DCC: variants seen among roughly 807,000 people sequenced by gnomAD.
The protein encoded by DCC is DCC netrin 1 receptor, also known as netrin receptor DCC.
A neutral mutation model predicts 172.5 loss-of-function variants in DCC; 58 were observed. The ratio of observed to expected loss-of-function variants is 0.34; its 90% confidence interval spans 0.27 to 0.42. The LOEUF is 0.42. Ranked by LOEUF, DCC falls within the 10% of genes least tolerant of loss-of-function variation. The pLI is 1.00. For synonymous variants in DCC, 709 were observed against 644.5 expected (o/e 1.10, Z -1.52); for missense variants, 1,740 against 1,791.0 (o/e 0.97, Z 0.51).
intron 25 of DCC, among the ~76,000 whole-genome samples, chr18:53,482,351 G>T (rs961051433): frequency 6.6e-6 from 1 of 152,040 alleles, no homozygotes; most frequent in Non-Finnish European, 1.5e-5. Context: ...TTGAAAGAAG[G>T]TTTATTATTT....
intron 1 of DCC, among the ~76,000 whole-genome samples, chr18:52,537,829 G>A (rs2032331510): frequency 6.6e-6 from 1 of 152,054 alleles, no homozygotes; most frequent in Admixed American, 6.6e-5. Flanking sequence ...ATGTCCCCAT[G>A]TTTTATATCT....
At chr18:52,475,243 A>ATAGAATGTTTTTTTTTTTTTTTTTTTTTT (rs1989060112) in intron 1 of DCC, among the ~76,000 whole-genome samples, 5 of 152,204 alleles carry the variant, frequency 3.3e-5, no homozygotes, top group Non-Finnish European at 5.9e-5. Flanking sequence ...CAGATGGGAA[A>ATAGAATGTTTTTTTTTTTTTTTTTTTTTT]TAGAATGTTT....
intron 7 of DCC, among the ~76,000 whole-genome samples, chr18:53,066,387 ATATATATATATG>A (rs1228067003): frequency 4.6e-4 from 38 of 81,824 alleles, no homozygotes; most frequent in Non-Finnish European, 5.4e-4. Flanking sequence ...ATATATATAT[ATATATATATATG>A]TGCATGTGTG....
intron 7 of DCC, among the ~76,000 whole-genome samples, chr18:53,095,212 C>T (rs997352103): frequency 6.6e-6 from 1 of 152,090 alleles, no homozygotes; most frequent in Non-Finnish European, 1.5e-5. Flanking sequence ...ATTGCCAGTG[C>T]TCATTTCAGG....
intron 5 of DCC, chr18:52,940,879 T>C (rs916877291): frequency 1.3e-5 from 2 of 152,192 alleles, no homozygotes; most frequent in African/African-American, 4.8e-5. Context: ...AGATGTTGTT[T>C]ATGTTTGAAC....
At chr18:52,982,874 G>A (rs2041233434) in intron 5 of DCC, among the ~76,000 whole-genome samples, 1 of 152,162 alleles carries the variant, frequency 6.6e-6, no homozygotes, top group Admixed American at 6.6e-5. Context: ...AGTTTCAGAT[G>A]CTTTCTCCAA....
intron 27 of DCC, among the ~76,000 whole-genome samples, chr18:53,503,393 A>ATAATAGAGTGCTTCCATTTT (rs1458514290): frequency 6.6e-6 from 1 of 152,132 alleles, no homozygotes; most frequent in Non-Finnish European, 1.5e-5. Flanking sequence ...TCATCACCTT[A>ATAATAGAGTGCTTCCATTTT]TAATAGAGTG....
intron 1 of DCC, among the ~76,000 whole-genome samples, chr18:52,735,902 G>T (rs538448207): frequency 6.6e-5 from 10 of 152,166 alleles, no homozygotes; most frequent in Admixed American, 6.6e-5. Context: ...TGACAAAGAG[G>T]TTTCAATACC....
intron 22 of DCC, among the ~76,000 whole-genome samples, chr18:53,445,014 G>A (rs556308594): frequency 6.7e-4 from 102 of 152,040 alleles, no homozygotes; most frequent in African/African-American, 2.2e-3. Context: ...ACTCCTCCTG[G>A]CAATTAACAA....
chr18:53,065,689 A>G (rs911570969), intron 6 of DCC, among the ~76,000 whole-genome samples: 1 of 152,188 alleles, frequency 6.6e-6, no homozygotes, highest in African/African-American at 2.4e-5. Context: ...ACTTCCTTCA[A>G]TAACAAGTAA....
In DCC at chr18:52,927,167, G is replaced by GTATATATGTGTATATA. The variant is rs1568192304; in HGVS notation, c.985+1798_985+1799insATATATGTGTATATAT. 2.9e-4 allele frequency among the ~76,000 whole-genome samples: 3 copies of GTATATATGTGTATATA among 10,354 alleles called. 1 individual carries two copies. Among genetic ancestry groups the GTATATATGTGTATATA allele is most frequent in the East Asian group, 4.5e-3 (2 of 444 alleles). 6.8% of individuals were successfully genotyped at this position (10,354 alleles called of 152,430 possible). ...TATATGTGTATATATACGTATATAT[G>GTATATATGTGTATATA]TGTATATATGTGTATATATACGTAT... On this transcript the variant is annotated intron_variant, in intron 5 of 28. Transcript: ENST00000442544.
chr18:53,343,980 T>C (rs1193241676), intron 15 of DCC, among the ~76,000 whole-genome samples: 2 of 152,074 alleles, frequency 1.3e-5, no homozygotes, highest in African/African-American at 4.8e-5. Flanking sequence ...TAACTGATTT[T>C]TCATTTCTCA....
chr18:52,360,714 G>A (rs184061139), intron 1 of DCC, among the ~76,000 whole-genome samples: 13 of 152,290 alleles, frequency 8.5e-5, no homozygotes, highest in Admixed American at 7.2e-4. Context: ...TATGAAAAGA[G>A]CCATTTCAGC....
chr18:52,570,299 A>C (rs866492077), intron 1 of DCC, among the ~76,000 whole-genome samples: 1 of 152,122 alleles, frequency 6.6e-6, no homozygotes, highest in Non-Finnish European at 1.5e-5. Context: ...CAAAATTCCC[A>C]GTGGCCTTCT....
Position 53,100,687 on chromosome 18 carries a change from G to A in DCC, c.1261+34521G>A, listed in dbSNP as rs116022737. On this transcript the variant is annotated intron_variant, in intron 7 of 28. Coordinates refer to ENST00000442544, the MANE Select transcript of DCC (RefSeq NM_005215.4). Reference sequence around the variant, plus strand: ...GGAGGGAGGGAGAGAAAGAAACACCGAGCTACCTGTGTAGCAGAGGTCTCG... The same window carrying A: ...GGAGGGAGGGAGAGAAAGAAACACCAAGCTACCTGTGTAGCAGAGGTCTCG... 9.0e-3 allele frequency among the ~76,000 whole-genome samples: 1,363 copies of A among 152,102 alleles called. 21 individuals are homozygous for A. Among genetic ancestry groups the A allele is most frequent in the African/African-American group, 0.031 (1,276 of 41,504 alleles).
intron 1 of DCC, among the ~76,000 whole-genome samples, chr18:52,548,115 C>T (rs374521426): frequency 6.6e-6 from 1 of 152,250 alleles, no homozygotes; most frequent in Non-Finnish European, 1.5e-5. Context: ...CTAATGTTAA[C>T]GTCTTATTTG....
rs532496626 is a variant in DCC, at chr18:52,627,628, AAAAC to A, written c.92-124415_92-124412del. ...AACAACTTCTTTCTGTAGAGAAAAC[AAAAC>A]AAACAAACAACAGCAACAACAAAAC... On this transcript the variant is annotated intron_variant, in intron 1 of 28. Transcript: ENST00000442544. Among the ~76,000 whole-genome samples, 152 of 152,334 alleles carry A rather than the reference AAAAC, an allele frequency of 1.0e-3. 2 individuals carry two copies. The South Asian group carries it at 0.03, about 30-fold the overall frequency.
intron 27 of DCC, among the ~76,000 whole-genome samples, chr18:53,517,478 A>T (rs2046350062): frequency 7.4e-6 from 1 of 134,356 alleles, no homozygotes; most frequent in African/African-American, 2.9e-5. Context: ...ATAATAATAA[A>T]GGATATAGGG....
intron 1 of DCC, among the ~76,000 whole-genome samples, chr18:52,531,976 A>G (rs535591551): frequency 5.3e-5 from 8 of 152,304 alleles, no homozygotes; most frequent in African/African-American, 1.9e-4. Context: ...CTGTGAGCCA[A>G]TCTCATTTCC....
Sources: gnomAD v4.1 joint callset for allele counts (sites outside exome capture counted in the v4.1 genomes callset) on GRCh38, gnomAD v4.1.1 for gene constraint, MANE v1.5 for transcripts, NCBI Gene and HGNC (gene_info 2026-07-23, HGNC 2026-07-21) for gene names.